The following GLIS3 variants were observed in gnomAD, a reference collection of about 807,000 sequenced individuals.
GLIS3 encodes the protein GLIS family zinc finger 3.
Under a neutral mutation model 78.6 loss-of-function variants are expected in GLIS3, and 53 were observed. The observed-to-expected ratio is 0.67, with a 90% CI of 0.54 to 0.85. The LOEUF is 0.85. Ranked by LOEUF, GLIS3 falls within the 40% of genes least tolerant of loss-of-function variation. The pLI is 0.00. For missense variants in GLIS3, 1,703 were observed against 1,231.1 expected (o/e 1.38, Z -5.74); for synonymous variants, 684 against 509.9 (o/e 1.34, Z -4.60).
chr9:3,986,330 G>A (rs1297070336), intron 4 of GLIS3, among the ~76,000 whole-genome samples: 2 of 152,294 alleles, frequency 1.3e-5, no homozygotes, highest in Admixed American at 1.3e-4. Flanking sequence ...GCTTGGCTCT[G>A]ATGATCACTA....
chr9:4,291,746 G>A (rs1815999554), intron 1 of GLIS3, among the ~76,000 whole-genome samples: 1 of 152,102 alleles, frequency 6.6e-6, no homozygotes, highest in Admixed American at 6.5e-5. Flanking sequence ...GATTGCTGGA[G>A]CAAATTCAGG....
intron 6 of GLIS3, among the ~76,000 whole-genome samples, chr9:3,924,689 A>G (rs1225170350): frequency 2.0e-5 from 3 of 152,248 alleles, no homozygotes; most frequent in Non-Finnish European, 4.4e-5. Context: ...GAGAACTACC[A>G]GAGGGAGCAG....
At chr9:4,342,666 A>C (rs1817851684) in intron 2 of GLIS3, among the ~76,000 whole-genome samples, 1 of 152,184 alleles carries the variant, frequency 6.6e-6, no homozygotes, top group Non-Finnish European at 1.5e-5. Context: ...GAATAGCATT[A>C]AATCTGTAAA....
intron 2 of GLIS3, among the ~76,000 whole-genome samples, chr9:4,342,347 C>T (rs1391801931): frequency 6.6e-6 from 1 of 152,164 alleles, no homozygotes; most frequent in African/African-American, 2.4e-5. Context: ...TGGCCTGGTG[C>T]TTTCATCGCT....
intron 2 of GLIS3, among the ~76,000 whole-genome samples, chr9:4,222,598 T>C (rs538583963): frequency 6.6e-6 from 1 of 152,328 alleles, no homozygotes; most frequent in Non-Finnish European, 1.5e-5. Context: ...AGTGTCATTA[T>C]CTAATGTCAA....
At chr9:4,293,648 G>C (rs912485010) in intron 1 of GLIS3, among the ~76,000 whole-genome samples, 18 of 150,992 alleles carry the variant, frequency 1.2e-4, no homozygotes, top group African/African-American at 4.4e-4. Flanking sequence ...CTGGCATCTG[G>C]TTGGTTTTCT....
At chr9:4,235,127 T>C (rs1261619246) in intron 2 of GLIS3, among the ~76,000 whole-genome samples, 1 of 151,756 alleles carries the variant, frequency 6.6e-6, no homozygotes, top group Non-Finnish European at 1.5e-5. Flanking sequence ...TGAAACTCTG[T>C]CTCTACTAAA....
At chr9:4,408,990 AAAAATT>A in the GLIS3 span, among the ~76,000 whole-genome samples, 1 of 151,958 alleles carries the variant, frequency 6.6e-6, no homozygotes, top group Admixed American at 6.5e-5. Context: ...CACAAAAAAT[AAAAATT>A]AAAAAATTAA....
chr9:4,064,338 G>C (rs1357035549), intron 4 of GLIS3, among the ~76,000 whole-genome samples: 2 of 151,958 alleles, frequency 1.3e-5, no homozygotes, highest in Non-Finnish European at 2.9e-5. Flanking sequence ...TCTTAAATAA[G>C]ATAAAAATAC....
At chr9:4,145,844 A>G (rs1834186028) in intron 2 of GLIS3, among the ~76,000 whole-genome samples, 1 of 151,992 alleles carries the variant, frequency 6.6e-6, no homozygotes, top group Admixed American at 6.6e-5. Context: ...TGGGAAGTGC[A>G]TACCCGCTCA....
intron 2 of GLIS3, among the ~76,000 whole-genome samples, chr9:4,221,851 T>A (rs1014695033): frequency 1.3e-5 from 2 of 152,232 alleles, no homozygotes; most frequent in African/African-American, 4.8e-5. Flanking sequence ...CATATCTCCA[T>A]CTTCTATGCA....
intron 2 of GLIS3, among the ~76,000 whole-genome samples, chr9:4,317,230 C>T (rs1426616135): frequency 6.6e-6 from 1 of 152,156 alleles, no homozygotes; most frequent in African/African-American, 2.4e-5. Flanking sequence ...AGATCAAGTT[C>T]TCTTGTACTT....
At chr9:4,130,222 A>G (rs1328958031) in intron 2 of GLIS3, among the ~76,000 whole-genome samples, 3 of 152,226 alleles carry the variant, frequency 2.0e-5, no homozygotes, top group African/African-American at 7.2e-5. Flanking sequence ...GCAGAGTGTA[A>G]AAGTTTGGAA....
intron 7 of GLIS3, among the ~76,000 whole-genome samples, chr9:3,883,168 C>T (rs1366652219): frequency 6.6e-6 from 1 of 152,232 alleles, no homozygotes; most frequent in Non-Finnish European, 1.5e-5. Flanking sequence ...CAATGATCCA[C>T]TGTGGCATAG....
At chr9:4,318,431 A>T (rs77216073) in intron 2 of GLIS3, among the ~76,000 whole-genome samples, 1 of 152,190 alleles carries the variant, frequency 6.6e-6, no homozygotes, top group East Asian at 1.9e-4. Context: ...TAGGGCAGGG[A>T]AAGTACAAAG....
At chr9:4,470,323 AT>A in the GLIS3 span, among the ~76,000 whole-genome samples, 1 of 152,216 alleles carries the variant, frequency 6.6e-6, no homozygotes, top group Admixed American at 6.5e-5. Flanking sequence ...TTAGGCCAAT[AT>A]CCCCGATGAA....
chr9:4,296,313 C>G (rs1039065561), intron 1 of GLIS3, among the ~76,000 whole-genome samples: 4 of 150,538 alleles, frequency 2.7e-5, no homozygotes, highest in Non-Finnish European at 3.0e-5. Flanking sequence ...AAAAAAAAGA[C>G]CGAGAACACT....
chr9:4,473,736 G>T, the GLIS3 span, among the ~76,000 whole-genome samples: 25 of 152,014 alleles, frequency 1.6e-4, no homozygotes, highest in African/African-American at 5.8e-4. Context: ...CCTGTGACAT[G>T]AGTTTACCTA....
chr9:4,405,301 T>C, the GLIS3 span, among the ~76,000 whole-genome samples: 111,233 of 151,204 alleles, frequency 0.74, 41,014 homozygotes, highest in South Asian at 0.81. Flanking sequence ...TTGTGGGGAG[T>C]CGAGATCGTG....
Sources: allele counts gnomAD v4.1 joint callset (sites outside exome capture counted in the v4.1 genomes callset), GRCh38; gene constraint gnomAD v4.1.1; transcripts MANE v1.5; gene names NCBI Gene and HGNC (gene_info 2026-07-23, HGNC 2026-07-21).